The following CELF2 variants were observed in gnomAD, a reference collection of about 807,000 sequenced individuals.
The protein encoded by CELF2 is CUGBP Elav-like family member 2.
In CELF2, 8 loss-of-function variants were observed where a neutral mutation model predicts 62.6. The observed-to-expected ratio is 0.13, with a 90% CI of 0.07 to 0.23. The LOEUF is 0.23. CELF2 is among the 10% of genes least tolerant of loss of function. The probability of loss-of-function intolerance (pLI) is 1.00; values close to 1 mark genes in which losing one functional copy is unlikely to be tolerated. For synonymous variants in CELF2, 258 were observed against 250.0 expected (o/e 1.03, Z -0.30); for missense variants, 333 against 671.0 (o/e 0.50, Z 5.56).
chr10:10,717,447 C>T, the CELF2 span, among the ~76,000 whole-genome samples: 4 of 151,402 alleles, frequency 2.6e-5, no homozygotes, highest in East Asian at 1.9e-4. Context: ...TCTTTTTAAA[C>T]TAATTTATAA....
At chr10:10,881,466 G>A (rs1379258320) in intron 1 of CELF2, among the ~76,000 whole-genome samples, 6 of 152,072 alleles carry the variant, frequency 3.9e-5, no homozygotes, top group Non-Finnish European at 1.5e-5. Flanking sequence ...TAAAATATGA[G>A]ATACTTCAAA....
intron 1 of CELF2, among the ~76,000 whole-genome samples, chr10:11,130,034 A>G (rs773696171): frequency 6.6e-6 from 1 of 152,074 alleles, no homozygotes; most frequent in Non-Finnish European, 1.5e-5. Context: ...CCCTCTACAC[A>G]CTGCTTTAAA....
In CELF2 at chr10:11,249,209, G is replaced by A; in HGVS notation, c.403+8G>A. On this transcript the variant is annotated splice_region_variant and intron_variant, in intron 4 of 12. Transcript: ENST00000633077. ...ATAGTGAAAAGTCCAACGGTAGGTG[G>A]TAACCAACTGTCTTGCTTAATAATA... is the stretch of plus-strand genomic sequence containing the variant. 1 of 1,606,354 alleles carries A rather than the reference G, an allele frequency of 6.2e-7. No homozygotes were observed. Among genetic ancestry groups the A allele is most frequent in the Non-Finnish European group, 8.5e-7 (1 of 1,172,922 alleles).
Position 11,306,296 on chromosome 10 carries a change from C to G in CELF2, c.977-7843C>G, listed in dbSNP as rs2094203691. On this transcript the variant is annotated intron_variant, in intron 9 of 12. Transcript: ENST00000633077. The surrounding 1 kb of genome is among the most constrained non-coding windows in gnomAD (Gnocchi z 4.4). Reference sequence around the variant, plus strand: ...GATGCTCCTTTGGCATTTTGTAAAACTTTTAAGTGAGAAAGCGTAGGGTAC... The same window carrying G: ...GATGCTCCTTTGGCATTTTGTAAAAGTTTTAAGTGAGAAAGCGTAGGGTAC... Among the ~76,000 whole-genome samples the G allele has an allele frequency of 6.6e-6, 1 of 151,966 alleles. No homozygotes were observed. Among genetic ancestry groups the G allele is most frequent in the South Asian group, 2.1e-4 (1 of 4,834 alleles).
At chr10:10,601,993 G>C in the CELF2 span, among the ~76,000 whole-genome samples, 1 of 151,952 alleles carries the variant, frequency 6.6e-6, no homozygotes, top group South Asian at 2.1e-4. Context: ...TGCTGTGTTT[G>C]GTTTTTTGTT....
intron 6 of CELF2, 134 bp downstream of exon 6, chr10:11,266,811 C>T: frequency 3.3e-6 from 2 of 610,808 alleles, no homozygotes; most frequent in South Asian, 4.8e-5. Context: ...TTCATTCATT[C>T]ATTCTCATTC....
intron 1 of CELF2, among the ~76,000 whole-genome samples, chr10:10,893,955 A>T (rs931280358): frequency 6.6e-6 from 1 of 152,226 alleles, no homozygotes; most frequent in Non-Finnish European, 1.5e-5. Flanking sequence ...TCCAAACCAT[A>T]TCAGAAGGCA....
intron 1 of CELF2, among the ~76,000 whole-genome samples, chr10:11,051,486 A>G (rs939973615): frequency 6.6e-6 from 1 of 152,218 alleles, no homozygotes; most frequent in Non-Finnish European, 1.5e-5. Flanking sequence ...CAACCTAAAC[A>G]GCCCATGTTT....
At chr10:11,113,666 T>G (rs2055812367) in intron 1 of CELF2, among the ~76,000 whole-genome samples, 1 of 152,156 alleles carries the variant, frequency 6.6e-6, no homozygotes, top group African/African-American at 2.4e-5. Flanking sequence ...GCCTCTGGTG[T>G]TCTGGTGGGG....
the CELF2 span, among the ~76,000 whole-genome samples, chr10:10,635,132 G>C: frequency 1.3e-5 from 2 of 152,274 alleles, no homozygotes; most frequent in South Asian, 4.1e-4. Context: ...CACTCAAGGG[G>C]CAGGGACAGA....
At chr10:10,860,938 A>G (rs1591294011) in intron 1 of CELF2, among the ~76,000 whole-genome samples, 1 of 152,136 alleles carries the variant, frequency 6.6e-6, no homozygotes, top group Non-Finnish European at 1.5e-5. Context: ...TATATATATA[A>G]AAGACTGTAA....
intron 1 of CELF2, among the ~76,000 whole-genome samples, chr10:11,114,999 G>A (rs1232160166): frequency 1.3e-5 from 2 of 152,130 alleles, no homozygotes; most frequent in East Asian, 3.9e-4. Context: ...ACACAGTAGG[G>A]CCTCAATAAA....
At chr10:10,776,290 G>A in the CELF2 span, 1 of 153,270 alleles carries the variant, frequency 6.5e-6, no homozygotes, top group African/African-American at 2.4e-5. Context: ...CAGGAGAGAA[G>A]CCGTGCTTAC....
At chr10:10,949,826 CAAAAAAAAAAA>C (rs35952853) in intron 2 of CELF2, among the ~76,000 whole-genome samples, 1 of 82,270 alleles carries the variant, frequency 1.2e-5, no homozygotes, top group African/African-American at 4.4e-5. Context: ...ACACACACAC[CAAAAAAAAAAA>C]AAAAAAAAAA....
the CELF2 span, among the ~76,000 whole-genome samples, chr10:10,684,816 G>C: frequency 0.01 from 1,569 of 152,228 alleles, 27 homozygotes; most frequent in African/African-American, 0.036. Context: ...AATAGAACGT[G>C]CTATTTTGAA....
chr10:10,940,131 A>C (rs1373993040), intron 2 of CELF2, among the ~76,000 whole-genome samples: 2 of 152,228 alleles, frequency 1.3e-5, no homozygotes, highest in African/African-American at 4.8e-5. Context: ...GGGAAAAGAA[A>C]GAAAAAGGGT....
At chr10:10,610,750 G>T in the CELF2 span, among the ~76,000 whole-genome samples, 1 of 152,240 alleles carries the variant, frequency 6.6e-6, no homozygotes, top group South Asian at 2.1e-4. Flanking sequence ...AATAAAAATA[G>T]TCAAACTTGT....
chr10:10,468,062 CAAAA>C, the CELF2 span, among the ~76,000 whole-genome samples: 1 of 151,824 alleles, frequency 6.6e-6, no homozygotes, highest in Non-Finnish European at 1.5e-5. Context: ...GATTAGAAAA[CAAAA>C]AGGCAGAAAG....
the CELF2 span, among the ~76,000 whole-genome samples, chr10:10,778,688 T>C: frequency 4.6e-5 from 7 of 152,184 alleles, no homozygotes; most frequent in Admixed American, 4.6e-4. Context: ...TTCTGGTTAA[T>C]AATGATTGAT....
Sources: gnomAD v4.1 joint callset for allele counts (sites outside exome capture counted in the v4.1 genomes callset) on GRCh38, gnomAD v4.1.1 for gene constraint, Gnocchi (gnomAD v3.1) non-coding constraint, MANE v1.5 for transcripts, NCBI Gene and HGNC (gene_info 2026-07-23, HGNC 2026-07-21) for gene names.